The following OCRL variants were observed in gnomAD, a reference collection of about 807,000 sequenced individuals.
OCRL encodes the protein OCRL inositol polyphosphate-5-phosphatase, also known as inositol polyphosphate 5-phosphatase OCRL.
OCRL carries 8 observed loss-of-function variants against 78.9 expected under a neutral mutation model. The ratio of observed to expected loss-of-function variants is 0.10; its 90% CI spans 0.06 to 0.18. The LOEUF (loss-of-function observed/expected upper bound fraction) is 0.18. OCRL is among the 10% of genes least tolerant of loss of function. The probability of loss-of-function intolerance (pLI) is 1.00; values close to 1 mark genes in which losing one functional copy is unlikely to be tolerated. For missense variants in OCRL, 454 were observed against 696.7 expected (o/e 0.65, Z 3.92); for synonymous variants, 240 against 235.4 (o/e 1.02, Z -0.18).
In OCRL at chrX:129,557,957, A is replaced by G. The variant is rs763856893; in HGVS notation, c.439+7A>G. On this transcript the variant is annotated splice_region_variant and intron_variant, in intron 6 of 23. Transcript: ENST00000371113. Reference sequence around the variant, plus strand: ...AAACCTTCTGTTTTTTCAGGTACTAAAAAGTTCCTGGTTTCCTTGTTGCTA... The same window carrying G: ...AAACCTTCTGTTTTTTCAGGTACTAGAAAGTTCCTGGTTTCCTTGTTGCTA... The G allele has an allele frequency of 2.1e-5, 24 of 1,120,287 alleles. No homozygotes were observed. The South Asian group carries it at 4.2e-4, about 20-fold the overall frequency. 92.3% of individuals were successfully genotyped at this position (1,120,287 alleles called of 1,213,427 possible). A position where few individuals can be genotyped will look rare whatever the true frequency, so the allele number is the denominator to read the frequency against.
intron 20 of OCRL, among the ~76,000 whole-genome samples, chrX:129,587,737 C>G (rs1329005709): frequency 9.2e-6 from 1 of 108,785 alleles, no homozygotes; most frequent in Non-Finnish European, 1.9e-5. Context: ...TGCTGCTTGT[C>G]AAGAGGCTAC....
At chrX:129,587,411 C>T (rs1415635559) in intron 20 of OCRL, among the ~76,000 whole-genome samples, 3 of 111,410 alleles carry the variant, frequency 2.7e-5, no homozygotes, top group Non-Finnish European at 5.6e-5. Flanking sequence ...GACAGCTGCA[C>T]ACCTGAGTCT....
rs1404412506 is a variant in OCRL at position 129,540,904 on chromosome X, T to A, written c.119+81T>A. ...CCAAACCGCGACGGGTCACCCACTG[T>A]CCTCCTACTGAAGCCACGCGGGCAA... On this transcript the variant is annotated intron_variant, in intron 2 of 23. Transcript: ENST00000371113. 6.1e-6 allele frequency: 5 copies of A among 817,244 alleles called. No individual in the cohort carries two copies. In the African/African-American group the frequency reaches 1.0e-4, roughly 16 times the overall value. The allele number at this position is 817,244 out of a possible 1,213,427, so 67.4% of individuals were successfully genotyped here.
chrX:129,564,312 G>T (rs1936184876), intron 12 of OCRL, among the ~76,000 whole-genome samples: 1 of 109,386 alleles, frequency 9.1e-6, no homozygotes, highest in African/African-American at 3.3e-5. Context: ...AGTCAGTGTG[G>T]CGATTCCTCA....
chrX:129,576,653 C>T lies in OCRL; in HGVS notation c.2115+101C>T, dbSNP rs987431260. 48 of 598,070 alleles carry T rather than the reference C, an allele frequency of 8.0e-5. 1 individual carries two copies. Among genetic ancestry groups the T allele is most frequent in the East Asian group, 7.7e-4 (22 of 28,546 alleles). The allele number at this position is 598,070 out of a possible 1,213,427, so 49.3% of individuals were successfully genotyped here. A position where few individuals can be genotyped will look rare whatever the true frequency, so the allele number is the denominator to read the frequency against. ...TGTGCTTTCTGTCTTCTTTTGGCCA[C>T]GGGGGATGTCAAATGATAAAGAAGA... On this transcript the variant is annotated intron_variant, in intron 18 of 23. Transcript: ENST00000371113.
At position 129,547,301 on chromosome X, in the gene OCRL, A is replaced by G. The variant is rs192935167; in HGVS notation, c.200-1262A>G. On this transcript the variant is annotated intron_variant, in intron 3 of 23. Coordinates refer to ENST00000371113, the MANE Select transcript of OCRL (RefSeq NM_000276.4). ...AGCACTTTGGGAGGCCAAGGTGGGC[A>G]GATCACAAGGTCAGGAGATTGAGAC... Among the ~76,000 whole-genome samples the G allele has an allele frequency of 5.3e-3, 589 of 110,357 alleles. 4 individuals are homozygous for G. The highest frequency in any genetic ancestry group is 0.015 in the African/African-American group (468 of 30,283).
chrX:129,566,912 T>C (rs1490469395), intron 13 of OCRL, among the ~76,000 whole-genome samples: 2 of 112,560 alleles, frequency 1.8e-5, no homozygotes, highest in African/African-American at 3.2e-5. Context: ...ATTTGTGTGC[T>C]TTTTCTTTAA....
intron 8 of OCRL, among the ~76,000 whole-genome samples, chrX:129,559,582 G>A (rs948492374): frequency 6.3e-5 from 7 of 111,196 alleles, no homozygotes; most frequent in Admixed American, 4.8e-4. Flanking sequence ...AAGGTCACAT[G>A]TACTAGAGAA....
At chrX:129,561,145 A>G in intron 9 of OCRL, 34 bp from the exon 10 acceptor site, 1 of 885,449 alleles carries the variant, frequency 1.1e-6, no homozygotes. Flanking sequence ...TAATTATGGG[A>G]TATGTATAGA....
rs754616446 is a variant in OCRL at position 129,567,524 on chromosome X, T to A, written c.1466+161T>A. Among the ~76,000 whole-genome samples, 24 of 112,296 alleles carry A rather than the reference T, an allele frequency of 2.1e-4. No homozygotes were observed. The South Asian group carries it at 8.9e-3, about 41-fold the overall frequency. On this transcript the variant is annotated intron_variant, in intron 14 of 23. Transcript: ENST00000371113. Reference sequence around the variant, plus strand: ...GTGCTATTATAGAACAATAAGAGTGTTTCATTTATCTATACTCAAAGGTGA... The same window carrying A: ...GTGCTATTATAGAACAATAAGAGTGATTCATTTATCTATACTCAAAGGTGA...
intron 4 of OCRL, among the ~76,000 whole-genome samples, chrX:129,556,087 C>T (rs1569458463): frequency 9.0e-6 from 1 of 110,592 alleles, no homozygotes; most frequent in African/African-American, 3.3e-5. Flanking sequence ...TTTTATTTTC[C>T]TTTTTGTAAC....
At position 129,545,112 on chromosome X, in the gene OCRL, T is replaced by C; in HGVS notation, c.199+75T>C. 6.9e-6 allele frequency: 4 copies of C among 578,717 alleles called. No individual in the cohort carries two copies. The South Asian group carries it at 9.6e-5, about 14-fold the overall frequency. The allele number at this position is 578,717 out of a possible 1,213,427, so 47.7% of individuals were successfully genotyped here. On this transcript the variant is annotated intron_variant, in intron 3 of 23. Coordinates refer to ENST00000371113, the MANE Select transcript of OCRL (RefSeq NM_000276.4). ...TTACTGCATTATGTAATACCATACA[T>C]ATTTAAATTTGTCAGTGCATGTAAA...
chrX:129,546,472 A>G (rs776217081), intron 3 of OCRL, among the ~76,000 whole-genome samples: 5 of 112,624 alleles, frequency 4.4e-5, no homozygotes, highest in Non-Finnish European at 7.5e-5. Context: ...ATACTAAGCT[A>G]GTGGATATGA....
chrX:129,584,097 G>T (rs892003182), intron 18 of OCRL, among the ~76,000 whole-genome samples: 5 of 112,359 alleles, frequency 4.5e-5, no homozygotes, highest in African/African-American at 1.6e-4. Context: ...CTGAAGTCTA[G>T]AACTGCACAT....
chrX:129,590,203 C>T lies in OCRL; in HGVS notation c.2639C>T (p.Thr880Ile). ...CCACCCAACCTTATGGCAAGACAGA[C>T]TCCAAGTGACCGCCAGCGTGCTATT... Reference protein sequence around the residue: ...RPPPNLMARQTPSDRQRAIQF... With the variant: ...RPPPNLMARQIPSDRQRAIQF... The change falls in exon 24 of 24, where the codon ACT becomes ATT. Residue 880 changes from threonine (T) to isoleucine (I), a missense_variant. Coordinates refer to ENST00000371113, the MANE Select transcript of OCRL (RefSeq NM_000276.4). 2 of 1,211,515 alleles carry T rather than the reference C, an allele frequency of 1.7e-6. No homozygotes were observed. The highest frequency in any genetic ancestry group is 2.2e-6 in the Non-Finnish European group (2 of 895,248).
intron 4 of OCRL, chrX:129,554,427 G>A (rs1305446769): frequency 9.0e-6 from 1 of 111,324 alleles, no homozygotes; most frequent in Non-Finnish European, 1.9e-5. Flanking sequence ...ATCGAGTGGA[G>A]AGAAAGTCTT....
rs1936579683 is a variant in OCRL at position 129,591,055 on chromosome X, C to T, written c.*785C>T. On this transcript the variant is annotated 3_prime_UTR_variant, in exon 24 of 24. Coordinates refer to ENST00000371113, the MANE Select transcript of OCRL (RefSeq NM_000276.4). The stretch of plus-strand genomic sequence containing the variant: ...CATGTTTGACAGGTCCTGCTTCCCA[C>T]TATCCTTTTCCTGTTATTATTCAAA... 8.8e-6 allele frequency: 1 copy of T among 113,605 alleles called. No homozygotes were observed. The highest frequency in any genetic ancestry group is 1.9e-5 in the Non-Finnish European group (1 of 53,303). 9.4% of individuals were successfully genotyped at this position (113,605 alleles called of 1,213,427 possible).
intron 23 of OCRL, 54 bp downstream of exon 23, chrX:129,590,010 T>G: frequency 8.9e-7 from 1 of 1,122,953 alleles, no homozygotes; most frequent in South Asian, 1.8e-5. Flanking sequence ...CTTAGTGCAT[T>G]GTATCCAGTA....
intron 3 of OCRL, among the ~76,000 whole-genome samples, chrX:129,545,707 A>G (rs981492834): frequency 5.4e-5 from 6 of 112,115 alleles, no homozygotes; most frequent in Non-Finnish European, 9.4e-5. Context: ...GAACAAATGC[A>G]TTCTGTTTTC....
Sources: gnomAD v4.1 joint callset for allele counts (sites outside exome capture counted in the v4.1 genomes callset) on GRCh38, gnomAD v4.1.1 for gene constraint, MANE v1.5 for transcripts, NCBI Gene and HGNC (gene_info 2026-07-23, HGNC 2026-07-21) for gene names.